The following ANO3 variants were observed in gnomAD, a reference collection of about 807,000 sequenced individuals.
ANO3 encodes the protein anoctamin-3.
A neutral mutation model predicts 144.8 loss-of-function variants in ANO3; 99 were observed. The ratio of observed to expected loss-of-function variants is 0.68; its 90% confidence interval spans 0.58 to 0.81. ANO3 has a LOEUF of 0.81. Ranked by LOEUF, ANO3 falls within the 30% of genes least tolerant of loss-of-function variation. The probability of loss-of-function intolerance (pLI) is 0.00; values close to 1 mark genes in which losing one functional copy is unlikely to be tolerated. For missense variants in ANO3, 905 were observed against 1,202.2 expected (o/e 0.75, Z 3.66); for synonymous variants, 414 against 392.6 (o/e 1.05, Z -0.64).
intron 1 of ANO3, among the ~76,000 whole-genome samples, chr11:26,372,811 A>G (rs1336586171): frequency 6.6e-6 from 1 of 152,208 alleles, no homozygotes; most frequent in Non-Finnish European, 1.5e-5. Context: ...ATAAAGTGGC[A>G]GAGTGAATAG....
intron 1 of ANO3, among the ~76,000 whole-genome samples, chr11:26,362,840 G>T (rs1043628270): frequency 2.0e-5 from 3 of 151,940 alleles, no homozygotes; most frequent in African/African-American, 4.8e-5. Flanking sequence ...TAATTTTATT[G>T]TCAACATCAA....
At chr11:26,205,224 CAG>C (rs1450656735) in intron 1 of ANO3, among the ~76,000 whole-genome samples, 4 of 152,252 alleles carry the variant, frequency 2.6e-5, no homozygotes, top group African/African-American at 9.6e-5. Context: ...GGTGGGGACA[CAG>C]AGCCGAACCA....
chr11:26,207,829 A>G (rs1851839424), intron 1 of ANO3, among the ~76,000 whole-genome samples: 1 of 152,192 alleles, frequency 6.6e-6, no homozygotes, highest in Admixed American at 6.5e-5. Context: ...TTAAAATAGT[A>G]TGTAAGATTG....
chr11:26,229,742 A>G (rs1326081640), intron 1 of ANO3, among the ~76,000 whole-genome samples: 1 of 152,218 alleles, frequency 6.6e-6, no homozygotes, highest in Non-Finnish European at 1.5e-5. Flanking sequence ...CCTCTACATC[A>G]ACAAGAAGTT....
chr11:26,338,420 TATCAGTGCTCTGTAAAATGGACCA>T (rs1373791332), intron 1 of ANO3, among the ~76,000 whole-genome samples: 1 of 152,100 alleles, frequency 6.6e-6, no homozygotes, highest in Non-Finnish European at 1.5e-5. Flanking sequence ...AAAATGCACC[TATCAGTGCTCTGTAAAATGGACCA>T]ATCAGCACTC....
At chr11:26,302,771 T>C (rs1411432498) in intron 1 of ANO3, among the ~76,000 whole-genome samples, 2 of 152,200 alleles carry the variant, frequency 1.3e-5, no homozygotes, top group Non-Finnish European at 2.9e-5. Flanking sequence ...TATGGACATA[T>C]ATATGTGTTT....
chr11:26,570,802 T>C (rs1850793866), intron 14 of ANO3, among the ~76,000 whole-genome samples: 1 of 152,094 alleles, frequency 6.6e-6, no homozygotes, highest in Non-Finnish European at 1.5e-5. Context: ...CTTTTTCCAA[T>C]GTTGGACAGT....
rs565837143 is a variant in ANO3, at chr11:26,338,424, A to G, written c.46+6103A>G. On this transcript the variant is annotated intron_variant, in intron 1 of 26. Coordinates refer to ENST00000256737, the MANE Select transcript of ANO3 (RefSeq NM_031418.4). ...AGCACTCTGTAAAAATGCACCTATC[A>G]GTGCTCTGTAAAATGGACCAATCAG... Among the ~76,000 whole-genome samples the G allele has an allele frequency of 3.3e-5, 5 of 152,266 alleles. No homozygotes were observed. In the South Asian group the frequency reaches 1.0e-3, roughly 32 times the overall value.
chr11:26,517,695 T>C (rs147362110), intron 6 of ANO3, among the ~76,000 whole-genome samples: 114 of 152,098 alleles, frequency 7.5e-4, no homozygotes, highest in African/African-American at 2.6e-3. Context: ...ATAATGAATA[T>C]AAGTGAAAAT....
intron 2 of ANO3, among the ~76,000 whole-genome samples, chr11:26,443,550 C>T (rs942955780): frequency 8.5e-5 from 13 of 152,058 alleles, no homozygotes; most frequent in African/African-American, 2.4e-4. Context: ...TGCAGTGAGC[C>T]GAGATCATGC....
chr11:26,465,058 G>A (rs138751012), intron 4 of ANO3, among the ~76,000 whole-genome samples: 4 of 151,458 alleles, frequency 2.6e-5, no homozygotes, highest in Non-Finnish European at 4.4e-5. Flanking sequence ...CATTGTTTGG[G>A]TGTCTGTATA....
intron 1 of ANO3, among the ~76,000 whole-genome samples, chr11:26,302,409 C>T (rs770360878): frequency 6.6e-6 from 1 of 152,082 alleles, no homozygotes; most frequent in Non-Finnish European, 1.5e-5. Context: ...GCAGGAGAAT[C>T]GCTTGAACCT....
intron 1 of ANO3, among the ~76,000 whole-genome samples, chr11:26,400,411 GT>G (rs1232192094): frequency 6.6e-6 from 1 of 151,934 alleles, no homozygotes; most frequent in South Asian, 2.1e-4. Flanking sequence ...AATTGTGTTT[GT>G]TTTTTTATTG....
intron 1 of ANO3, among the ~76,000 whole-genome samples, chr11:26,404,931 A>G (rs932203679): frequency 7.6e-5 from 3 of 39,278 alleles, no homozygotes; most frequent in East Asian, 1.6e-3. Context: ...GAATTTATAT[A>G]TATGTGTGTG....
At chr11:26,427,809 A>G (rs563506900) in intron 1 of ANO3, among the ~76,000 whole-genome samples, 17 of 152,258 alleles carry the variant, frequency 1.1e-4, no homozygotes, top group Non-Finnish European at 2.5e-4. Flanking sequence ...GAAACTTTCA[A>G]TAGTGGCAGA....
chr11:26,477,191 A>G (rs1174144241), intron 4 of ANO3, among the ~76,000 whole-genome samples: 2 of 152,070 alleles, frequency 1.3e-5, no homozygotes, highest in African/African-American at 4.8e-5. Context: ...CATGGTTTCC[A>G]TCGTCAAAAA....
intron 1 of ANO3, among the ~76,000 whole-genome samples, chr11:26,265,498 T>C (rs1409863615): frequency 1.3e-5 from 2 of 152,198 alleles, no homozygotes; most frequent in Non-Finnish European, 2.9e-5. Flanking sequence ...CTGTATCCTG[T>C]ATCGCACATA....
chr11:26,590,402 C>T (rs1185170004), intron 14 of ANO3, among the ~76,000 whole-genome samples: 2 of 152,196 alleles, frequency 1.3e-5, no homozygotes, highest in East Asian at 1.9e-4. Flanking sequence ...CACACACAGG[C>T]AGCTACAAAG....
chr11:26,473,837 C>T, intron 4 of ANO3: 2 of 803,034 alleles, frequency 2.5e-6, no homozygotes, highest in Non-Finnish European at 3.0e-6. Flanking sequence ...CTATAACCAA[C>T]TCCTAAAATG....
Sources: gnomAD v4.1 joint callset for allele counts (sites outside exome capture counted in the v4.1 genomes callset) on GRCh38, gnomAD v4.1.1 for gene constraint, MANE v1.5 for transcripts, NCBI Gene and HGNC (gene_info 2026-07-23, HGNC 2026-07-21) for gene names.